RIMBP2: variants seen among roughly 807,000 people sequenced by gnomAD.
RIMBP2 encodes the protein RIMS-binding protein 2.
In RIMBP2, 48 loss-of-function variants were observed where a neutral mutation model predicts 118.6. The ratio of observed to expected loss-of-function variants is 0.40; its 90% confidence interval spans 0.32 to 0.51. RIMBP2 has a LOEUF of 0.51. RIMBP2 is among the 20% of genes least tolerant of loss of function. The pLI is 0.41. For synonymous variants in RIMBP2, 762 were observed against 742.9 expected (o/e 1.03, Z -0.42); for missense variants, 1,551 against 1,768.3 (o/e 0.88, Z 2.20).
intron 1 of RIMBP2, among the ~76,000 whole-genome samples, chr12:130,664,415 A>ACGCACGCACACGCACACACACGCACG (rs1195044326): frequency 1.5e-5 from 2 of 130,496 alleles, no homozygotes; most frequent in African/African-American, 2.8e-5. Flanking sequence ...ACGCACGCAC[A>ACGCACGCACACGCACACACACGCACG]CACACGCACA....
chr12:130,506,989 C>T (rs967468407), intron 3 of RIMBP2, among the ~76,000 whole-genome samples: 1 of 152,130 alleles, frequency 6.6e-6, no homozygotes, highest in South Asian at 2.1e-4. Context: ...TCCCTCCCAC[C>T]TCCACCACAG....
intron 1 of RIMBP2, among the ~76,000 whole-genome samples, chr12:130,647,794 T>C (rs949355367): frequency 6.8e-6 from 1 of 146,106 alleles, no homozygotes; most frequent in Admixed American, 6.9e-5. Flanking sequence ...TATTGGTGTG[T>C]GACTTTGCTG....
Position 130,650,158 on chromosome 12 carries a change from A to G in RIMBP2, c.-351-21702T>C, listed in dbSNP as rs193228114. ...AAATTGCGGCTGCTGCCTTGCCCCC[A>G]GCACCAAGGGGGCTTGGTGGGCAGC... On this transcript the variant is annotated intron_variant, in intron 1 of 22. Coordinates refer to ENST00000690449, the MANE Select transcript of RIMBP2 (RefSeq NM_001393629.1). 5.3e-5 allele frequency among the ~76,000 whole-genome samples: 8 copies of G among 152,148 alleles called. No homozygotes were observed. In the South Asian group the frequency reaches 6.2e-4, roughly 12 times the overall value.
intron 4 of RIMBP2, among the ~76,000 whole-genome samples, chr12:130,494,322 C>T (rs2048930257): frequency 6.6e-6 from 1 of 152,048 alleles, no homozygotes; most frequent in South Asian, 2.1e-4. Context: ...CACAGTCTCA[C>T]GGTAAGATGG....
At chr12:130,410,402 A>G (rs2136440313) in intron 19 of RIMBP2, among the ~76,000 whole-genome samples, 1 of 152,140 alleles carries the variant, frequency 6.6e-6, no homozygotes, top group African/African-American at 2.4e-5. Flanking sequence ...TTTTCCTTTT[A>G]TGTATCATGT....
At chr12:130,406,360 C>T (rs892096599) in intron 20 of RIMBP2, 117 bp from the exon 21 acceptor site, 71 of 657,838 alleles carry the variant, frequency 1.1e-4, no homozygotes, top group Admixed American at 1.9e-4. Context: ...TTAATCTACT[C>T]TTTCAGTCAA....
intron 2 of RIMBP2, among the ~76,000 whole-genome samples, chr12:130,571,565 G>A (rs1044556556): frequency 7.9e-5 from 12 of 151,948 alleles, no homozygotes; most frequent in African/African-American, 2.9e-4. Context: ...AATTACAGGC[G>A]CCCGCCACCA....
Position 130,682,133 on chromosome 12 carries a change from G to A in RIMBP2, c.-352+34089C>T, listed in dbSNP as rs150095718. ...GGGACACCCTCCCAGCCCTTGTCCCGTATCCCGGTGAGGGGATGTGACCCA... is the reference window on the plus strand; with the variant it reads ...GGGACACCCTCCCAGCCCTTGTCCCATATCCCGGTGAGGGGATGTGACCCA... On this transcript the variant is annotated intron_variant, in intron 1 of 22. Transcript: ENST00000690449. Among the ~76,000 whole-genome samples the A allele has an allele frequency of 1.4e-4, 21 of 152,298 alleles. No homozygotes were observed. The South Asian group carries it at 2.7e-3, about 20-fold the overall frequency.
At chr12:130,667,404 G>T (rs2064000180) in intron 1 of RIMBP2, 2 of 152,200 alleles carry the variant, frequency 1.3e-5, no homozygotes, top group Admixed American at 1.3e-4. Context: ...GTTGTCACAG[G>T]ATACAGGAAT....
intron 21 of RIMBP2, among the ~76,000 whole-genome samples, chr12:130,402,290 C>T (rs1455164867): frequency 2.0e-5 from 3 of 152,114 alleles, no homozygotes; most frequent in Admixed American, 1.3e-4. Context: ...TTCCATTCAA[C>T]GTTGTTCTTA....
intron 2 of RIMBP2, among the ~76,000 whole-genome samples, chr12:130,565,340 T>C (rs1163525568): frequency 6.6e-6 from 1 of 152,154 alleles, no homozygotes; most frequent in Non-Finnish European, 1.5e-5. Context: ...GTATGGAGGA[T>C]TTTAAACACA....
At chr12:130,494,411 G>A (rs12812767) in intron 4 of RIMBP2, among the ~76,000 whole-genome samples, 10,593 of 152,176 alleles carry the variant, frequency 0.07, 607 homozygotes, top group East Asian at 0.19. Flanking sequence ...GGCCAAGGCA[G>A]GCAGATCACC....
chr12:130,705,380 C>CTG (rs2066056807), intron 1 of RIMBP2, among the ~76,000 whole-genome samples: 1 of 152,184 alleles, frequency 6.6e-6, no homozygotes, highest in Non-Finnish European at 1.5e-5. Context: ...CGCACCACCG[C>CTG]CCTGTGCTTC....
chr12:130,666,615 C>T (rs2063924011), intron 1 of RIMBP2, among the ~76,000 whole-genome samples: 2 of 145,566 alleles, frequency 1.4e-5, no homozygotes, highest in African/African-American at 2.5e-5. Context: ...GATCCTGGCA[C>T]ATAGAGATCA....
intron 19 of RIMBP2, among the ~76,000 whole-genome samples, chr12:130,408,601 C>G (rs2075401423): frequency 6.6e-6 from 1 of 152,178 alleles, no homozygotes; most frequent in Non-Finnish European, 1.5e-5. Context: ...ACACAGATAA[C>G]AGGTGAACAC....
intron 2 of RIMBP2, among the ~76,000 whole-genome samples, chr12:130,519,490 G>T (rs2051845876): frequency 6.6e-6 from 1 of 152,208 alleles, no homozygotes; most frequent in South Asian, 2.1e-4. Flanking sequence ...CTTCTGAGAT[G>T]GTCTGGATGG....
intron 1 of RIMBP2, among the ~76,000 whole-genome samples, chr12:130,639,584 G>A (rs1328725198): frequency 1.5e-5 from 2 of 131,492 alleles, no homozygotes; most frequent in Non-Finnish European, 3.2e-5. Context: ...CTGTTCTTTT[G>A]TACACAGCAA....
intron 2 of RIMBP2, among the ~76,000 whole-genome samples, chr12:130,625,549 A>G (rs1395614512): frequency 1.3e-5 from 2 of 151,656 alleles, no homozygotes; most frequent in Non-Finnish European, 2.9e-5. Context: ...TCAAACAGTC[A>G]TGAGGACCTA....
chr12:130,417,505 A>G (rs1000933739), intron 17 of RIMBP2, among the ~76,000 whole-genome samples: 1 of 152,228 alleles, frequency 6.6e-6, no homozygotes. Context: ...ACTCTCACTT[A>G]TAAGTGGGAG....
Sources: allele counts gnomAD v4.1 joint callset (sites outside exome capture counted in the v4.1 genomes callset), GRCh38; gene constraint gnomAD v4.1.1; transcripts MANE v1.5; gene names NCBI Gene and HGNC (gene_info 2026-07-23, HGNC 2026-07-21).